PARD3: variants seen among roughly 807,000 people sequenced by gnomAD.
PARD3 encodes the protein partitioning defective 3 homolog.
In PARD3, 75 loss-of-function variants were observed where a neutral mutation model predicts 155.4. That is an observed-to-expected ratio of 0.48 (90% CI 0.40 to 0.58). The LOEUF (loss-of-function observed/expected upper bound fraction) is 0.58. Ranked by LOEUF, PARD3 falls within the 20% of genes least tolerant of loss-of-function variation. PARD3 has a pLI of 0.00. For synonymous variants in PARD3, 576 were observed against 610.5 expected, an observed-to-expected ratio of 0.94 and a Z score of 0.83; for missense variants, 1,642 against 1,721.7, an observed-to-expected ratio of 0.95 and a Z score of 0.82.
chr10:34,169,800 T>C (rs1949703447), intron 22 of PARD3, among the ~76,000 whole-genome samples: 1 of 152,162 alleles, frequency 6.6e-6, no homozygotes, highest in African/African-American at 2.4e-5. Context: ...GACAATTGAA[T>C]GAAGGTTCCC....
chr10:34,694,056 T>C (rs2094117986), intron 2 of PARD3, among the ~76,000 whole-genome samples: 1 of 151,960 alleles, frequency 6.6e-6, no homozygotes, highest in South Asian at 2.1e-4. Flanking sequence ...AATTCCTTTG[T>C]ATGTTTCTGC....
At chr10:34,177,383 T>C (rs1950078193) in intron 22 of PARD3, among the ~76,000 whole-genome samples, 1 of 152,058 alleles carries the variant, frequency 6.6e-6, no homozygotes, top group South Asian at 2.1e-4. Flanking sequence ...TTCAGAGCTT[T>C]CATTTTCATT....
At chr10:34,200,005 A>T (rs1285311420) in intron 22 of PARD3, among the ~76,000 whole-genome samples, 2 of 152,240 alleles carry the variant, frequency 1.3e-5, no homozygotes, top group African/African-American at 2.4e-5. Flanking sequence ...GCCATGAAAC[A>T]TGATTGGTAA....
At chr10:34,641,104 G>T (rs2092665003) in intron 2 of PARD3, among the ~76,000 whole-genome samples, 1 of 152,110 alleles carries the variant, frequency 6.6e-6, no homozygotes, top group Non-Finnish European at 1.5e-5. Context: ...TTAATTCTGG[G>T]GAGTTAGGTG....
At chr10:34,614,620 G>A (rs961443142) in intron 2 of PARD3, among the ~76,000 whole-genome samples, 4 of 152,276 alleles carry the variant, frequency 2.6e-5, no homozygotes, top group Admixed American at 6.5e-5. Flanking sequence ...TTTTAAAGAT[G>A]TCTAAATGTC....
At chr10:34,708,351 T>A (rs1225872914) in intron 1 of PARD3, among the ~76,000 whole-genome samples, 1 of 151,604 alleles carries the variant, frequency 6.6e-6, no homozygotes, top group African/African-American at 2.4e-5. Flanking sequence ...AAAGAAAAAG[T>A]ACTATGAAAA....
At chr10:34,613,455 C>T (rs1169426635) in intron 2 of PARD3, among the ~76,000 whole-genome samples, 1 of 152,154 alleles carries the variant, frequency 6.6e-6, no homozygotes, top group East Asian at 1.9e-4. Context: ...AATAATAGAG[C>T]TATGTATCAT....
At chr10:34,692,632 T>C (rs1033725394) in intron 2 of PARD3, among the ~76,000 whole-genome samples, 3 of 152,200 alleles carry the variant, frequency 2.0e-5, no homozygotes, top group African/African-American at 4.8e-5. Flanking sequence ...CCTAGCACTT[T>C]GGGAGGCCAA....
At chr10:34,777,977 G>A (rs144416786) in intron 1 of PARD3, among the ~76,000 whole-genome samples, 8 of 152,220 alleles carry the variant, frequency 5.3e-5, no homozygotes, top group East Asian at 3.9e-4. Flanking sequence ...CCACATCCAC[G>A]GCTCTTGAGT....
intron 22 of PARD3, among the ~76,000 whole-genome samples, chr10:34,249,409 A>G (rs1954157509): frequency 6.6e-6 from 1 of 152,250 alleles, no homozygotes; most frequent in Non-Finnish European, 1.5e-5. Context: ...AGTTAATAAT[A>G]TGCACTTCAT....
chr10:34,147,826 A>C (rs1046776418), intron 22 of PARD3, among the ~76,000 whole-genome samples: 1 of 152,178 alleles, frequency 6.6e-6, no homozygotes, highest in Non-Finnish European at 1.5e-5. Context: ...TCTAGGGCCA[A>C]AGGTCACAGG....
In PARD3 at chr10:34,810,281, G is replaced by A. The variant is rs536822814; in HGVS notation, c.120+4595C>T. 5.9e-5 allele frequency among the ~76,000 whole-genome samples: 9 copies of A among 152,210 alleles called. No individual in the cohort carries two copies. In the South Asian group the frequency reaches 1.0e-3, roughly 18 times the overall value. On this transcript the variant is annotated intron_variant, in intron 1 of 24. Coordinates refer to ENST00000374788, the MANE Select transcript of PARD3 (RefSeq NM_001184785.2). Reference sequence around the variant, plus strand: ...CCTTCAGGCTATGTGTATAAGGTACGTAGGAAACATAAATTCTAACAATAC... The same window carrying A: ...CCTTCAGGCTATGTGTATAAGGTACATAGGAAACATAAATTCTAACAATAC...
At chr10:34,745,434 A>AAGAGAGAGAGAG (rs1314471106) in intron 1 of PARD3, among the ~76,000 whole-genome samples, 1 of 148,708 alleles carries the variant, frequency 6.7e-6, no homozygotes, top group Non-Finnish European at 1.5e-5. Flanking sequence ...GAGGGAGGGA[A>AAGAGAGAGAGAG]AGAGAGAGGG....
intron 18 of PARD3, among the ~76,000 whole-genome samples, chr10:34,331,734 C>A (rs1240333875): frequency 2.7e-5 from 4 of 150,120 alleles, no homozygotes; most frequent in Non-Finnish European, 4.4e-5. Context: ...CAAGAATAAG[C>A]TTTGCACTTA....
At chr10:34,719,425 C>A (rs2094570295) in intron 1 of PARD3, among the ~76,000 whole-genome samples, 1 of 152,170 alleles carries the variant, frequency 6.6e-6, no homozygotes, top group Non-Finnish European at 1.5e-5. Flanking sequence ...TCCCTCCAAT[C>A]TTGTTTAATA....
intron 23 of PARD3, among the ~76,000 whole-genome samples, chr10:34,122,549 A>G (rs1947064029): frequency 6.6e-6 from 1 of 152,234 alleles, no homozygotes; most frequent in South Asian, 2.1e-4. Context: ...CACCAGGAAG[A>G]AACATAAACA....
rs57035644 is a variant in PARD3 at position 34,684,878 on chromosome 10, T to TACACACACACACACACACAC, written c.222+11420_222+11439dup. On this transcript the variant is annotated intron_variant, in intron 2 of 24. Coordinates refer to ENST00000374788, the MANE Select transcript of PARD3 (RefSeq NM_001184785.2). The stretch of plus-strand genomic sequence containing the variant: ...ATACATGTATATATATACACACACA[T>TACACACACACACACACACAC]ACACACACACACACACACACACACA... 6.5e-5 allele frequency among the ~76,000 whole-genome samples: 9 copies of TACACACACACACACACACAC among 137,776 alleles called. No individual in the cohort carries two copies. The Admixed American group carries it at 6.6e-4, about 10-fold the overall frequency. The allele number at this position is 137,776 out of a possible 152,430, so 90.4% of individuals were successfully genotyped here.
At chr10:34,264,893 A>G (rs1245207584) in intron 22 of PARD3, among the ~76,000 whole-genome samples, 1 of 151,826 alleles carries the variant, frequency 6.6e-6, no homozygotes, top group Non-Finnish European at 1.5e-5. Flanking sequence ...GGGACTGTAG[A>G]TGCATGTCAC....
intron 1 of PARD3, among the ~76,000 whole-genome samples, chr10:34,795,175 A>T (rs1842110659): frequency 6.6e-6 from 1 of 152,234 alleles, no homozygotes; most frequent in African/African-American, 2.4e-5. Context: ...GAGACACCAC[A>T]TGCAGGTGCT....
Sources: allele counts gnomAD v4.1 joint callset (sites outside exome capture counted in the v4.1 genomes callset), GRCh38; gene constraint gnomAD v4.1.1; transcripts MANE v1.5; gene names NCBI Gene and HGNC (gene_info 2026-07-23, HGNC 2026-07-21).